BBS9: variants seen among roughly 807,000 people sequenced by gnomAD.
The protein encoded by BBS9 is Bardet-Biedl syndrome 9, also known as protein PTHB1.
A neutral mutation model predicts 117.7 loss-of-function variants in BBS9; 89 were observed. The ratio of observed to expected loss-of-function variants is 0.76; its 90% CI spans 0.64 to 0.90. The LOEUF is 0.90. Among genes scored for constraint, BBS9 ranks in the 40% least tolerant of loss-of-function variants. The probability of loss-of-function intolerance (pLI) is 0.00; values close to 1 mark genes in which losing one functional copy is unlikely to be tolerated. For synonymous variants in BBS9, 379 were observed against 370.9 expected, an observed-to-expected ratio of 1.02 and a Z score of -0.25; for missense variants, 982 against 1,042.2, an observed-to-expected ratio of 0.94 and a Z score of 0.80.
chr7:33,202,415 C>A (rs907532405), intron 5 of BBS9, among the ~76,000 whole-genome samples: 1 of 152,146 alleles, frequency 6.6e-6, no homozygotes, highest in Non-Finnish European at 1.5e-5. Flanking sequence ...TATCTTGTGA[C>A]AGAATATGAG....
At chr7:33,597,280 T>C (rs965117341) in intron 21 of BBS9, among the ~76,000 whole-genome samples, 13 of 152,042 alleles carry the variant, frequency 8.6e-5, no homozygotes, top group Non-Finnish European at 1.0e-4. Context: ...ATCAAGTAAA[T>C]CTTGATCAAA....
chr7:33,521,693 C>A lies in BBS9; in HGVS notation c.2299-12261C>A, dbSNP rs149389879. 3.4e-3 allele frequency among the ~76,000 whole-genome samples: 513 copies of A among 151,010 alleles called. 3 individuals carry two copies. Among genetic ancestry groups the A allele is most frequent in the African/African-American group, 0.012 (488 of 41,274 alleles). ...GCATATAGACCATATAACTTGCTTT[C>A]ATTTTTATGTTATTTTATTTTCTAT... On this transcript the variant is annotated intron_variant, in intron 20 of 22. Transcript: ENST00000242067.
chr7:33,518,931 T>G (rs967468942), intron 20 of BBS9, among the ~76,000 whole-genome samples: 2 of 152,130 alleles, frequency 1.3e-5, no homozygotes, highest in Non-Finnish European at 2.9e-5. Context: ...TTGATTTCTA[T>G]TTGAAGAAAA....
intron 19 of BBS9, among the ~76,000 whole-genome samples, chr7:33,405,311 T>C (rs1460807548): frequency 1.3e-5 from 2 of 152,156 alleles, no homozygotes; most frequent in Non-Finnish European, 2.9e-5. Flanking sequence ...TTCTCTTTTT[T>C]GGTTGTGTCT....
At chr7:33,329,102 C>T (rs1813447290) in intron 9 of BBS9, among the ~76,000 whole-genome samples, 2 of 151,932 alleles carry the variant, frequency 1.3e-5, no homozygotes, top group South Asian at 4.2e-4. Context: ...CTCACTGCAA[C>T]CTCCGCCTCC....
At chr7:33,516,531 G>C (rs1052633880) in intron 20 of BBS9, among the ~76,000 whole-genome samples, 8 of 137,438 alleles carry the variant, frequency 5.8e-5, no homozygotes, top group African/African-American at 2.1e-4. Flanking sequence ...GAACACATTT[G>C]TAAGCACAGA....
intron 15 of BBS9, among the ~76,000 whole-genome samples, chr7:33,354,798 T>C (rs1819332242): frequency 6.6e-6 from 1 of 152,090 alleles, no homozygotes; most frequent in Admixed American, 6.6e-5. Flanking sequence ...GTAGTTTTGA[T>C]GAGAATATTC....
chr7:33,253,399 A>G (rs1796530326), intron 5 of BBS9, among the ~76,000 whole-genome samples: 1 of 152,152 alleles, frequency 6.6e-6, no homozygotes, highest in African/African-American at 2.4e-5. Context: ...GGATCACCTG[A>G]GGTCAGAAGT....
At position 33,602,152 on chromosome 7, in the gene BBS9, G is replaced by A. The variant is rs145638211; in HGVS notation, c.2522-2713G>A. Among the ~76,000 whole-genome samples, 791 of 152,268 alleles carry A rather than the reference G, an allele frequency of 5.2e-3. 7 individuals are homozygous for A. The highest frequency in any genetic ancestry group is 0.019 in the African/African-American group (773 of 41,554). On this transcript the variant is annotated intron_variant, in intron 21 of 22. Transcript: ENST00000242067. ...GAGGCCATGCAGAGTGGTGCTGCCT[G>A]CACCTGGGAGTGCCTCTTTCCAAGA...
intron 5 of BBS9, among the ~76,000 whole-genome samples, chr7:33,256,558 A>C (rs952393818): frequency 2.6e-5 from 4 of 152,010 alleles, no homozygotes; most frequent in African/African-American, 9.7e-5. Flanking sequence ...GATTGTCCTT[A>C]GTCAGATACA....
intron 19 of BBS9, among the ~76,000 whole-genome samples, chr7:33,396,664 G>A (rs536382090): frequency 2.6e-5 from 4 of 151,962 alleles, no homozygotes; most frequent in Non-Finnish European, 4.4e-5. Flanking sequence ...TTTAAAATTC[G>A]TATGGAACCA....
intron 19 of BBS9, among the ~76,000 whole-genome samples, chr7:33,465,716 T>G (rs1840067224): frequency 6.6e-6 from 1 of 152,156 alleles, no homozygotes; most frequent in Non-Finnish European, 1.5e-5. Flanking sequence ...TGTAAGGTTA[T>G]TGTATGGATT....
chr7:33,229,498 C>A (rs1791921525), intron 5 of BBS9, among the ~76,000 whole-genome samples: 1 of 151,980 alleles, frequency 6.6e-6, no homozygotes, highest in African/African-American at 2.4e-5. Context: ...GTATTTTTTT[C>A]TGTGTCTGGC....
chr7:33,383,841 A>G lies in BBS9; in HGVS notation c.1962+3A>G, dbSNP rs1017765966. ...AGTTGATTGATCATCATTTTGAGGT[A>G]TGTATGATCATAACCCACATCATCT... On this transcript the variant is annotated splice_donor_region_variant and intron_variant, in intron 18 of 22. Coordinates refer to ENST00000242067, the MANE Select transcript of BBS9 (RefSeq NM_198428.3). 2 of 1,610,308 alleles carry G rather than the reference A, an allele frequency of 1.2e-6. No homozygotes were observed. The highest frequency in any genetic ancestry group is 1.3e-5 in the African/African-American group (1 of 74,828).
At chr7:33,299,801 C>T (rs115720737) in intron 9 of BBS9, among the ~76,000 whole-genome samples, 1,661 of 152,030 alleles carry the variant, frequency 0.011, 28 homozygotes, top group African/African-American at 0.038. Flanking sequence ...AGATAAGAGA[C>T]GCTTAGAAAC....
At chr7:33,565,817 A>C (rs1856807043) in intron 21 of BBS9, among the ~76,000 whole-genome samples, 1 of 60,272 alleles carries the variant, frequency 1.7e-5, no homozygotes, top group African/African-American at 2.1e-4. Flanking sequence ...ATATATATAT[A>C]TATATATATA....
At chr7:33,430,305 C>T (rs1299863778) in intron 19 of BBS9, among the ~76,000 whole-genome samples, 2 of 152,148 alleles carry the variant, frequency 1.3e-5, no homozygotes, top group African/African-American at 4.8e-5. Context: ...AAAAGAAGAT[C>T]CCAGACTTCA....
chr7:33,580,900 C>T lies in BBS9; in HGVS notation c.2522-23965C>T, dbSNP rs532241916. On this transcript the variant is annotated intron_variant, in intron 21 of 22. Transcript: ENST00000242067. ...CTTGGAGTGCTAGAGGTTTAATGCT[C>T]TCTCTGCATTGTGAACCACATCATT... 1.0e-3 allele frequency among the ~76,000 whole-genome samples: 159 copies of T among 152,272 alleles called. 2 individuals are homozygous for T. The highest frequency in any genetic ancestry group is 3.8e-3 in the African/African-American group (156 of 41,570).
At chr7:33,362,189 T>C (rs1241159759) in intron 16 of BBS9, among the ~76,000 whole-genome samples, 14 of 152,198 alleles carry the variant, frequency 9.2e-5, no homozygotes, top group Admixed American at 9.2e-4. Context: ...GATATGTGAT[T>C]TGCAAATAAT....
Sources: allele counts gnomAD v4.1 joint callset (sites outside exome capture counted in the v4.1 genomes callset), GRCh38; gene constraint gnomAD v4.1.1; transcripts MANE v1.5; gene names NCBI Gene and HGNC (gene_info 2026-07-23, HGNC 2026-07-21).